Variants in MALRD1 observed in about 807,000 individuals in gnomAD.
MALRD1 encodes the protein MAM and LDL-receptor class A domain-containing protein 1.
Under a neutral mutation model 242.1 loss-of-function variants are expected in MALRD1, and 247 were observed. The ratio of observed to expected loss-of-function variants is 1.02; its 90% CI spans 0.92 to 1.13. The LOEUF (loss-of-function observed/expected upper bound fraction) is 1.13, where lower values mean the gene tolerates loss of function less well. Among genes scored for constraint, MALRD1 ranks in the 50% most tolerant of loss-of-function variants. MALRD1 has a pLI of 0.00. For missense variants in MALRD1, 2,989 were observed against 2,533.1 expected (o/e 1.18, Z -3.86); for synonymous variants, 995 against 866.6 (o/e 1.15, Z -2.60).
chr10:19,515,472 C>G (rs1210414642), intron 31 of MALRD1, among the ~76,000 whole-genome samples: 1 of 152,086 alleles, frequency 6.6e-6, no homozygotes, highest in African/African-American at 2.4e-5. Context: ...TTATCTCTGT[C>G]CTTTCAAGGT....
chr10:19,280,299 C>T (rs1295226520), intron 20 of MALRD1, 76 bp downstream of exon 20: 1 of 1,138,820 alleles, frequency 8.8e-7, no homozygotes, highest in Non-Finnish European at 1.2e-6. Context: ...AGTAGCACAG[C>T]CTAGCATCAT....
chr10:19,452,770 C>A (rs945178370), intron 29 of MALRD1, among the ~76,000 whole-genome samples: 2 of 152,052 alleles, frequency 1.3e-5, no homozygotes, highest in African/African-American at 4.8e-5. Context: ...TCTGCAGTTG[C>A]CACTTCAGAT....
intron 36 of MALRD1, among the ~76,000 whole-genome samples, chr10:19,649,529 G>T (rs530538537): frequency 3.0e-4 from 46 of 152,216 alleles, no homozygotes; most frequent in African/African-American, 1.1e-3. Flanking sequence ...CCACATGTAT[G>T]TCTTTTCAGA....
chr10:19,279,327 C>A lies in MALRD1; in HGVS notation c.3080-720C>A, dbSNP rs139057759. Among the ~76,000 whole-genome samples, 372 of 152,302 alleles carry A rather than the reference C, an allele frequency of 2.4e-3. 2 individuals carry two copies. Among genetic ancestry groups the A allele is most frequent in the Non-Finnish European group, 1.9e-3 (126 of 68,016 alleles). On this transcript the variant is annotated intron_variant, in intron 19 of 39. Coordinates refer to ENST00000454679, the MANE Select transcript of MALRD1 (RefSeq NM_001142308.3). ...AACACTGGATGAAAGCCTGAAGGGG[C>A]TCACACAACCCGTTCTGGGACTTGG...
At chr10:19,391,840 G>A (rs897395446) in intron 28 of MALRD1, among the ~76,000 whole-genome samples, 6 of 152,194 alleles carry the variant, frequency 3.9e-5, no homozygotes, top group African/African-American at 1.4e-4. Context: ...GGCTTCAAGT[G>A]TCACTCTCAG....
At chr10:19,445,972 T>C (rs1834951918) in intron 28 of MALRD1, among the ~76,000 whole-genome samples, 1 of 152,160 alleles carries the variant, frequency 6.6e-6, no homozygotes, top group Non-Finnish European at 1.5e-5. Context: ...GGTCGCTTTG[T>C]TTACCTACTC....
intron 36 of MALRD1, among the ~76,000 whole-genome samples, chr10:19,616,221 G>T (rs1225675683): frequency 2.0e-5 from 3 of 151,778 alleles, no homozygotes; most frequent in South Asian, 2.1e-4. Flanking sequence ...GTTTTTAAAA[G>T]ATATTTTTCT....
intron 26 of MALRD1, among the ~76,000 whole-genome samples, chr10:19,382,604 G>A (rs1277164901): frequency 6.6e-6 from 1 of 151,866 alleles, no homozygotes; most frequent in African/African-American, 2.4e-5. Flanking sequence ...TAAATACTTG[G>A]GATTTACACC....
At chr10:19,057,409 T>G (rs557706497) in intron 1 of MALRD1, among the ~76,000 whole-genome samples, 59 of 152,216 alleles carry the variant, frequency 3.9e-4, no homozygotes, top group African/African-American at 1.3e-3. Flanking sequence ...CCCGTGGCTG[T>G]TCTTGAGAGG....
chr10:19,516,090 T>G (rs1455628372), intron 31 of MALRD1, among the ~76,000 whole-genome samples: 4 of 152,228 alleles, frequency 2.6e-5, no homozygotes, highest in Non-Finnish European at 5.9e-5. Context: ...GTTTTACTAA[T>G]AAACCTAGGT....
At chr10:19,451,697 T>C (rs1224441716) in intron 29 of MALRD1, among the ~76,000 whole-genome samples, 2 of 152,200 alleles carry the variant, frequency 1.3e-5, no homozygotes, top group East Asian at 3.9e-4. Flanking sequence ...AATGTGACTT[T>C]GGTTTTTTTG....
intron 28 of MALRD1, among the ~76,000 whole-genome samples, chr10:19,422,513 C>A (rs1473484602): frequency 6.6e-6 from 1 of 152,086 alleles, no homozygotes; most frequent in Non-Finnish European, 1.5e-5. Flanking sequence ...ATAATTATTA[C>A]TCTGTATTGT....
At chr10:19,113,869 C>T (rs1836779614) in intron 5 of MALRD1, among the ~76,000 whole-genome samples, 1 of 151,156 alleles carries the variant, frequency 6.6e-6, no homozygotes, top group Non-Finnish European at 1.5e-5. Flanking sequence ...TGATTTATCT[C>T]CATGACTAAA....
intron 29 of MALRD1, among the ~76,000 whole-genome samples, chr10:19,454,139 C>A (rs2131058844): frequency 6.7e-6 from 1 of 149,278 alleles, no homozygotes. Context: ...AGTCCTCACA[C>A]AAAACAGTCA....
At chr10:19,120,231 A>T (rs1837013967) in intron 5 of MALRD1, among the ~76,000 whole-genome samples, 1 of 152,172 alleles carries the variant, frequency 6.6e-6, no homozygotes, top group African/African-American at 2.4e-5. Flanking sequence ...GAGAAAAAAA[A>T]TAGGTGGTAA....
chr10:19,083,158 A>G (rs533660311), intron 2 of MALRD1, among the ~76,000 whole-genome samples: 26 of 152,158 alleles, frequency 1.7e-4, no homozygotes, highest in Non-Finnish European at 2.6e-4. Flanking sequence ...GTGTGTGTGC[A>G]GGGGCACAAA....
chr10:19,273,209 C>T (rs988064351), intron 19 of MALRD1, among the ~76,000 whole-genome samples: 6 of 151,982 alleles, frequency 3.9e-5, no homozygotes, highest in African/African-American at 1.5e-4. Flanking sequence ...TCATAATTTC[C>T]ATAATTGGGA....
intron 14 of MALRD1, among the ~76,000 whole-genome samples, chr10:19,194,818 T>C (rs1487777700): frequency 6.6e-6 from 1 of 152,208 alleles, no homozygotes; most frequent in Non-Finnish European, 1.5e-5. Context: ...TTTTCCCCTG[T>C]AATCAGGACC....
intron 11 of MALRD1, among the ~76,000 whole-genome samples, chr10:19,149,379 A>T (rs1019726532): frequency 2.6e-5 from 4 of 151,978 alleles, no homozygotes; most frequent in Non-Finnish European, 4.4e-5. Context: ...TATGTGTGTA[A>T]TTAAGCCTCG....
Sources: gnomAD v4.1 joint callset for allele counts (sites outside exome capture counted in the v4.1 genomes callset) on GRCh38, gnomAD v4.1.1 for gene constraint, MANE v1.5 for transcripts, NCBI Gene and HGNC (gene_info 2026-07-23, HGNC 2026-07-21) for gene names.